ZNF429: variants seen among roughly 807,000 people sequenced by gnomAD.
ZNF429 encodes zinc finger protein 429.
In ZNF429, 53 loss-of-function variants were observed where a neutral mutation model predicts 56.8. That is an observed-to-expected ratio of 0.93 (90% CI 0.75 to 1.17). The LOEUF is 1.17. Among genes scored for constraint, ZNF429 ranks in the 50% most tolerant of loss-of-function variants. ZNF429 has a pLI of 0.00. For synonymous variants in ZNF429, 278 were observed against 264.7 expected, an observed-to-expected ratio of 1.05 and a Z score of -0.49; for missense variants, 849 against 788.4, an observed-to-expected ratio of 1.08 and a Z score of -0.92.
In ZNF429 at chr19:21,530,625, T is replaced by C. The variant is rs766434893; in HGVS notation, c.167T>C (p.Leu56Pro). 3 of 1,611,902 alleles carry C rather than the reference T, an allele frequency of 1.9e-6. No individual in the cohort carries two copies. Among genetic ancestry groups the C allele is most frequent in the Non-Finnish European group, 2.5e-6 (3 of 1,179,070 alleles). ...AVSKPDLITC[L>P]EKEKEPCKMK... ...TCTAAGCCAGACCTAATCACTTGTCTAGAGAAAGAAAAAGAACCCTGCAAG... is the reference window on the plus strand; with the variant it reads ...TCTAAGCCAGACCTAATCACTTGTCCAGAGAAAGAAAAAGAACCCTGCAAG... The change falls in exon 3 of 4, where the codon CTA becomes CCA. Residue 56 changes from leucine to proline, a missense_variant. Transcript: ENST00000358491.
intron 1 of ZNF429, among the ~76,000 whole-genome samples, chr19:21,527,505 C>T (rs2033214598): frequency 6.6e-6 from 1 of 152,042 alleles, no homozygotes; most frequent in South Asian, 2.1e-4. Flanking sequence ...CACCTTTGCA[C>T]TAAAGGGTGG....
chr19:21,510,942 T>C (rs1157123710), intron 1 of ZNF429, among the ~76,000 whole-genome samples: 1 of 152,038 alleles, frequency 6.6e-6, no homozygotes, highest in Non-Finnish European at 1.5e-5. Flanking sequence ...GAATTTTTCT[T>C]AGTACAGAAC....
At chr19:21,508,759 G>C (rs938887424) in intron 1 of ZNF429, among the ~76,000 whole-genome samples, 2 of 151,060 alleles carry the variant, frequency 1.3e-5, no homozygotes, top group African/African-American at 4.9e-5. Context: ...ATTTTGGAAT[G>C]CTACCAAGGA....
At chr19:21,516,569 C>CT (rs957253599) in intron 1 of ZNF429, among the ~76,000 whole-genome samples, 2 of 151,782 alleles carry the variant, frequency 1.3e-5, no homozygotes, top group African/African-American at 4.8e-5. Context: ...TTTTTCTGTC[C>CT]TTGAGCATAA....
At chr19:21,533,495 T>C in intron 3 of ZNF429, among the ~76,000 whole-genome samples, 1 of 152,136 alleles carries the variant, frequency 6.6e-6, no homozygotes, top group Non-Finnish European at 1.5e-5. Context: ...TTTAATGTTG[T>C]ATCTAAGAAA....
At chr19:21,535,361 C>T in intron 3 of ZNF429, among the ~76,000 whole-genome samples, 1 of 43,926 alleles carries the variant, frequency 2.3e-5, no homozygotes, top group African/African-American at 7.8e-5. Context: ...TTCTTTTCTT[C>T]TTTCTTTCTT....
At chr19:21,525,845 A>T (rs2681372) in intron 1 of ZNF429, among the ~76,000 whole-genome samples, 25,626 of 151,030 alleles carry the variant, frequency 0.17, 392 homozygotes, top group Middle Eastern at 0.2. Context: ...TTTATTTTTT[A>T]AAAATCAATG....
chr19:21,522,708 G>A (rs906512068), intron 1 of ZNF429, among the ~76,000 whole-genome samples: 2 of 152,046 alleles, frequency 1.3e-5, no homozygotes, highest in Admixed American at 6.6e-5. Context: ...GACCAGCTTG[G>A]CCAACATGGT....
intron 1 of ZNF429, among the ~76,000 whole-genome samples, chr19:21,516,441 C>G (rs1263546626): frequency 6.6e-6 from 1 of 151,918 alleles, no homozygotes; most frequent in African/African-American, 2.4e-5. Flanking sequence ...TTTTGTTGTT[C>G]CATATGAATT....
At chr19:21,506,291 C>T (rs1269260677) in intron 1 of ZNF429, among the ~76,000 whole-genome samples, 1 of 152,118 alleles carries the variant, frequency 6.6e-6, no homozygotes, top group African/African-American at 2.4e-5. Flanking sequence ...AACCCCCTCT[C>T]TGCTAAAAAT....
Position 21,536,715 on chromosome 19 carries a change from G to T in ZNF429, c.662G>T (p.Arg221Ile), listed in dbSNP as rs946887221. Residue 221 changes from arginine to isoleucine, a missense_variant, in exon 4 of 4, where the codon AGA becomes ATA. By Grantham distance (97) the Arg-to-Ile change is moderately conservative (BLOSUM62 -3). Transcript: ENST00000358491. ...TCCTCAGCCCTTACTAACCATAAGA[G>T]AATTTATGTTGGTGAGAAACACTAC... ...NQSSALTNHK[R>I]IYVGEKHYRC... 6.2e-7 allele frequency: 1 copy of T among 1,613,896 alleles called. No individual in the cohort carries two copies. Among genetic ancestry groups the T allele is most frequent in the Non-Finnish European group, 8.5e-7 (1 of 1,179,974 alleles).
At chr19:21,519,736 C>G (rs2032916210) in intron 1 of ZNF429, among the ~76,000 whole-genome samples, 1 of 152,160 alleles carries the variant, frequency 6.6e-6, no homozygotes, top group Admixed American at 6.5e-5. Context: ...ATCGGTCTTT[C>G]CAGTCTCCTA....
chr19:21,509,618 A>T (rs1481655104), intron 1 of ZNF429, among the ~76,000 whole-genome samples: 1 of 152,170 alleles, frequency 6.6e-6, no homozygotes, highest in Non-Finnish European at 1.5e-5. Flanking sequence ...CACCCCAGCC[A>T]TGGAAGGAGG....
intron 3 of ZNF429, among the ~76,000 whole-genome samples, chr19:21,534,067 T>C: frequency 1.3e-5 from 2 of 152,176 alleles, no homozygotes; most frequent in South Asian, 2.1e-4. Context: ...AATCAAAAAG[T>C]ATAATGCCTC....
chr19:21,523,310 C>T (rs138123791), intron 1 of ZNF429, among the ~76,000 whole-genome samples: 2 of 152,168 alleles, frequency 1.3e-5, no homozygotes, highest in Non-Finnish European at 2.9e-5. Flanking sequence ...GAATGCAAAT[C>T]CTCTTTTTAG....
intron 1 of ZNF429, chr19:21,529,406 G>C: frequency 1.4e-6 from 1 of 701,386 alleles, no homozygotes; most frequent in Non-Finnish European, 1.8e-6. Flanking sequence ...TTATCACTTA[G>C]AAAAATGTCA....
Position 21,505,779 on chromosome 19 carries a change from G to C in ZNF429, c.3+5G>C, listed in dbSNP as rs779668266. Reference sequence around the variant, plus strand: ...CCCCCTGGAAGCCTAGAAATGGTGAGAGTGCCGAGTCTGACATCCCCAGAG... The same window carrying C: ...CCCCCTGGAAGCCTAGAAATGGTGACAGTGCCGAGTCTGACATCCCCAGAG... On this transcript the variant is annotated splice_donor_5th_base_variant and intron_variant, in intron 1 of 3. Coordinates refer to ENST00000358491, the MANE Select transcript of ZNF429 (RefSeq NM_001001415.4). 1 of 1,611,630 alleles carries C rather than the reference G, an allele frequency of 6.2e-7. No homozygotes were observed. Among genetic ancestry groups the C allele is most frequent in the Non-Finnish European group, 8.5e-7 (1 of 1,178,432 alleles).
chr19:21,533,413 T>C, intron 3 of ZNF429, among the ~76,000 whole-genome samples: 1 of 152,198 alleles, frequency 6.6e-6, no homozygotes, highest in African/African-American at 2.4e-5. Flanking sequence ...TTCACTGTAT[T>C]GAACGTTTTC....
chr19:21,509,296 G>A (rs979854820), intron 1 of ZNF429, among the ~76,000 whole-genome samples: 5 of 152,116 alleles, frequency 3.3e-5, no homozygotes, highest in African/African-American at 1.2e-4. Context: ...ACCTTGCCCG[G>A]CCTACTACAT....
Sources: gnomAD v4.1 joint callset for allele counts (sites outside exome capture counted in the v4.1 genomes callset) on GRCh38, gnomAD v4.1.1 for gene constraint, MANE v1.5 for transcripts, NCBI Gene and HGNC (gene_info 2026-07-23, HGNC 2026-07-21) for gene names.